TBCEL: variants seen among roughly 807,000 people sequenced by gnomAD.
TBCEL encodes tubulin-specific chaperone cofactor E-like protein.
A neutral mutation model predicts 44.2 loss-of-function variants in TBCEL; 15 were observed. The ratio of observed to expected loss-of-function variants is 0.34; its 90% CI spans 0.23 to 0.52. The LOEUF (loss-of-function observed/expected upper bound fraction) is 0.52. Among genes scored for constraint, TBCEL ranks in the 20% least tolerant of loss-of-function variants. The probability of loss-of-function intolerance (pLI) is 0.95; values close to 1 mark genes in which losing one functional copy is unlikely to be tolerated. For missense variants in TBCEL, 319 were observed against 506.3 expected, an observed-to-expected ratio of 0.63 and a Z score of 3.55; for synonymous variants, 171 against 185.4, an observed-to-expected ratio of 0.92 and a Z score of 0.63.
Position 121,088,902 on chromosome 11 carries a change from A to G in TBCEL, c.*1806A>G, listed in dbSNP as rs1228231215. 3 of 152,210 alleles carry G rather than the reference A, an allele frequency of 2.0e-5. No homozygotes were observed. The highest frequency in any genetic ancestry group is 6.5e-5 in the Admixed American group (1 of 15,278). 9.4% of individuals were successfully genotyped at this position (152,210 alleles called of 1,614,324 possible). On this transcript the variant is annotated 3_prime_UTR_variant, in exon 9 of 9. Transcript: ENST00000683345. ...ATAAGGCCTATTCTCCTTCTGCTGC[A>G]GACTTTATCTTTCAAAATCATAAAA...
chr11:121,063,607 G>A (rs1402248794), intron 8 of TBCEL, among the ~76,000 whole-genome samples: 2 of 152,200 alleles, frequency 1.3e-5, no homozygotes, highest in African/African-American at 4.8e-5. Flanking sequence ...GAAAGTTAAA[G>A]TTCACAAGCA....
At chr11:121,031,794 A>G (rs1440119241) in intron 1 of TBCEL, among the ~76,000 whole-genome samples, 2 of 148,842 alleles carry the variant, frequency 1.3e-5, no homozygotes, top group African/African-American at 5.0e-5. Flanking sequence ...CCTCCCAAGT[A>G]TCTGGGACTA....
chr11:121,057,563 C>G (rs1275829635), intron 6 of TBCEL: 1 of 454,400 alleles, frequency 2.2e-6, no homozygotes, highest in Non-Finnish European at 4.4e-6. Context: ...TATTCATGGA[C>G]TTCATCCATG....
At position 121,062,060 on chromosome 11, in the gene TBCEL, T is replaced by C. The variant is rs1443438074; in HGVS notation, c.956+1975T>C. ...TATTCTATAAGCATTATTTTTAAAATTTTATTTTTCTACTTTTTAAATTTT... is the reference window on the plus strand; with the variant it reads ...TATTCTATAAGCATTATTTTTAAAACTTTATTTTTCTACTTTTTAAATTTT... On this transcript the variant is annotated intron_variant, in intron 8 of 8. Coordinates refer to ENST00000683345, the MANE Select transcript of TBCEL (RefSeq NM_001363644.2). Among the ~76,000 whole-genome samples the C allele has an allele frequency of 3.9e-5, 6 of 152,048 alleles. No individual in the cohort carries two copies. The East Asian group carries it at 1.2e-3, about 29-fold the overall frequency.
In TBCEL at chr11:121,087,160, T is replaced by C. The variant is rs1045575304; in HGVS notation, c.*64T>C. 3.4e-6 allele frequency: 5 copies of C among 1,469,676 alleles called. No individual in the cohort carries two copies. The highest frequency in any genetic ancestry group is 1.4e-5 in the African/African-American group (1 of 70,566). 91.0% of individuals were successfully genotyped at this position (1,469,676 alleles called of 1,614,324 possible). A position where few individuals can be genotyped will look rare whatever the true frequency, so the allele number is the denominator to read the frequency against. The stretch of plus-strand genomic sequence containing the variant: ...TGTTGCAGGGCATTTGTTTTTAATG[T>C]GGTTTTCTTTAGGAGGGAGAGGTTG... On this transcript the variant is annotated 3_prime_UTR_variant, in exon 9 of 9. Coordinates refer to ENST00000683345, the MANE Select transcript of TBCEL (RefSeq NM_001363644.2).
chr11:121,055,435 C>G (rs1209766430), intron 6 of TBCEL, 127 bp downstream of exon 6: 5 of 963,022 alleles, frequency 5.2e-6, no homozygotes, highest in Non-Finnish European at 7.1e-6. Flanking sequence ...ATATGACATG[C>G]AGATGCCTAT....
intron 1 of TBCEL, among the ~76,000 whole-genome samples, chr11:121,032,130 T>G (rs1945157308): frequency 6.6e-6 from 1 of 152,248 alleles, no homozygotes; most frequent in South Asian, 2.1e-4. Flanking sequence ...GTGAATTTTT[T>G]GGTAAGGATT....
chr11:121,080,468 G>A (rs1018202936), intron 8 of TBCEL, among the ~76,000 whole-genome samples: 3 of 152,012 alleles, frequency 2.0e-5, no homozygotes, highest in Non-Finnish European at 4.4e-5. Context: ...TTTTTCTCTA[G>A]GATACTCCTA....
chr11:121,036,778 G>C (rs1349578729), intron 2 of TBCEL, among the ~76,000 whole-genome samples, 166 bp downstream of exon 2: 1 of 152,160 alleles, frequency 6.6e-6, no homozygotes, highest in South Asian at 2.1e-4. Context: ...CTAATGTGCA[G>C]TTATTGATGA....
At chr11:121,060,375 ATCTTTT>A (rs1478922162) in intron 8 of TBCEL, among the ~76,000 whole-genome samples, 2 of 151,752 alleles carry the variant, frequency 1.3e-5, no homozygotes, top group African/African-American at 2.4e-5. Context: ...TTCTTTTTTG[ATCTTTT>A]TCTTTGGGGT....
chr11:121,049,822 A>C (rs1391387259), intron 4 of TBCEL, among the ~76,000 whole-genome samples: 1 of 151,824 alleles, frequency 6.6e-6, no homozygotes, highest in African/African-American at 2.4e-5. Context: ...ATCAGTATAC[A>C]GTGTGTACAC....
chr11:121,075,297 A>G (rs1946013104), intron 8 of TBCEL, among the ~76,000 whole-genome samples: 1 of 151,990 alleles, frequency 6.6e-6, no homozygotes. Flanking sequence ...AGTGGGGAAA[A>G]GACAGCTTTT....
chr11:121,080,863 TG>T (rs1946112331), intron 8 of TBCEL, among the ~76,000 whole-genome samples: 1 of 152,182 alleles, frequency 6.6e-6, no homozygotes, highest in African/African-American at 2.4e-5. Flanking sequence ...ATGACCACCG[TG>T]CTACTAAAAT....
At chr11:121,039,082 G>A (rs1945285002) in intron 2 of TBCEL, among the ~76,000 whole-genome samples, 1 of 152,088 alleles carries the variant, frequency 6.6e-6, no homozygotes, top group South Asian at 2.1e-4. Flanking sequence ...ATCTTTGCAG[G>A]ATAAAGTCTA....
chr11:121,079,228 G>C (rs1335635612), intron 8 of TBCEL, among the ~76,000 whole-genome samples: 1 of 152,200 alleles, frequency 6.6e-6, no homozygotes, highest in Non-Finnish European at 1.5e-5. Flanking sequence ...CTTCAGGTAA[G>C]TAGGAGAATG....
At chr11:121,050,546 T>A (rs1031251093) in intron 4 of TBCEL, among the ~76,000 whole-genome samples, 1 of 151,804 alleles carries the variant, frequency 6.6e-6, no homozygotes, top group South Asian at 2.1e-4. Flanking sequence ...TTTTTTTAGC[T>A]TTTGACTTGA....
chr11:121,032,663 C>G (rs1422838317), intron 1 of TBCEL, among the ~76,000 whole-genome samples: 1 of 152,120 alleles, frequency 6.6e-6, no homozygotes, highest in Non-Finnish European at 1.5e-5. Flanking sequence ...CAACACTACC[C>G]TTGGGGACCA....
At chr11:121,041,958 A>T (rs1219109007) in intron 2 of TBCEL, among the ~76,000 whole-genome samples, 5 of 151,456 alleles carry the variant, frequency 3.3e-5, no homozygotes, top group African/African-American at 1.2e-4. Flanking sequence ...TATTTGGAAG[A>T]GTTCTTACAG....
chr11:121,073,516 T>C (rs1945975507), intron 8 of TBCEL, among the ~76,000 whole-genome samples: 1 of 151,942 alleles, frequency 6.6e-6, no homozygotes, highest in Admixed American at 6.6e-5. Context: ...ACATATAGAG[T>C]AGTTAATCTT....
Sources: gnomAD v4.1 joint callset for allele counts (sites outside exome capture counted in the v4.1 genomes callset) on GRCh38, gnomAD v4.1.1 for gene constraint, MANE v1.5 for transcripts, NCBI Gene and HGNC (gene_info 2026-07-23, HGNC 2026-07-21) for gene names.